Variants in CACNA1B observed in about 807,000 individuals in gnomAD.
CACNA1B encodes calcium voltage-gated channel subunit alpha1 B, also known as voltage-dependent N-type calcium channel subunit alpha-1B.
In CACNA1B, 70 loss-of-function variants were observed where a neutral mutation model predicts 247.2. That is an observed-to-expected ratio of 0.28 (90% CI 0.23 to 0.35). The LOEUF (loss-of-function observed/expected upper bound fraction) is 0.35. Among genes scored for constraint, CACNA1B ranks in the 10% least tolerant of loss-of-function variants. CACNA1B has a pLI of 1.00. For missense variants in CACNA1B, 2,367 were observed against 3,197.4 expected, an observed-to-expected ratio of 0.74 and a Z score of 6.26; for synonymous variants, 1,231 against 1,294.4, an observed-to-expected ratio of 0.95 and a Z score of 1.05.
intron 26 of CACNA1B, among the ~76,000 whole-genome samples, chr9:138,056,108 A>T (rs138504996): frequency 6.6e-6 from 1 of 152,124 alleles, no homozygotes; most frequent in Non-Finnish European, 1.5e-5. Flanking sequence ...ATAACAATCC[A>T]CTTACAGTGT....
At chr9:138,032,837 G>A (rs1959002504) in intron 20 of CACNA1B, 1 of 365,606 alleles carries the variant, frequency 2.7e-6, no homozygotes, top group Admixed American at 4.0e-5. Flanking sequence ...TCAGAAGTTT[G>A]ATTACAGTGT....
intron 36 of CACNA1B, among the ~76,000 whole-genome samples, 190 bp downstream of exon 36, chr9:138,078,448 G>C (rs976486642): frequency 4.6e-5 from 7 of 152,234 alleles, no homozygotes; most frequent in Admixed American, 3.9e-4. Flanking sequence ...ATGGTAACGG[G>C]CTCCTGTGGG....
chr9:137,878,233 G>A lies in CACNA1B; in HGVS notation c.284+16G>A. On this transcript the variant is annotated intron_variant, in intron 1 of 46. Transcript: ENST00000371372. ...CCGAGTGGCCATATCCTGCCGGGCGGGGCCGGGCGGGGCCGGGCGGGGACC... is the reference window on the plus strand; with the variant it reads ...CCGAGTGGCCATATCCTGCCGGGCGAGGCCGGGCGGGGCCGGGCGGGGACC... The A allele has an allele frequency of 6.0e-6, 7 of 1,175,330 alleles. No homozygotes were observed. Among genetic ancestry groups the A allele is most frequent in the Non-Finnish European group, 7.5e-6 (7 of 927,250 alleles). 72.8% of individuals were successfully genotyped at this position (1,175,330 alleles called of 1,614,324 possible).
chr9:137,921,927 G>A (rs11137308), intron 6 of CACNA1B, among the ~76,000 whole-genome samples: 17,958 of 66,574 alleles, frequency 0.27, 563 homozygotes, highest in Middle Eastern at 0.36. Flanking sequence ...GGAGAACATG[G>A]TCAGCACCAC....
rs1290977272 is a variant in CACNA1B, at chr9:138,115,607, C to T, written c.5705C>T (p.Pro1902Leu). The change falls in exon 42 of 47, where the codon CCG (proline) becomes CTG (leucine). Residue 1902 changes from proline to leucine, a missense_variant. Pro to Leu is a moderately conservative substitution (Grantham distance 98). Transcript: ENST00000371372. Reference protein sequence around the residue: ...PLKATLEQTQPAVLRGARVFL... With the variant: ...PLKATLEQTQLAVLRGARVFL... ...AAGGCCACCCTGGAGCAGACACAGC[C>T]GGCTGTGCTCCGAGGAGCCCGGGTT... 5 of 1,613,662 alleles carry T rather than the reference C, an allele frequency of 3.1e-6. No individual in the cohort carries two copies. Among genetic ancestry groups the T allele is most frequent in the Admixed American group, 3.3e-5 (2 of 60,006 alleles).
At chr9:138,095,450 C>T (rs1961023681) in intron 36 of CACNA1B, among the ~76,000 whole-genome samples, 1 of 152,064 alleles carries the variant, frequency 6.6e-6, no homozygotes, top group Non-Finnish European at 1.5e-5. Flanking sequence ...AATAATTTTT[C>T]TAAAAATTGA....
intron 36 of CACNA1B, among the ~76,000 whole-genome samples, chr9:138,094,457 A>AAAAAAAAAAAAAGAAG (rs752912258): frequency 2.2e-5 from 3 of 134,886 alleles, no homozygotes; most frequent in East Asian, 2.6e-4. Flanking sequence ...AAAAAAAAAA[A>AAAAAAAAAAAAAGAAG]AAGAAGAAGA....
intron 12 of CACNA1B, 80 bp downstream of exon 12, chr9:137,976,099 C>T (rs890421464): frequency 3.5e-6 from 3 of 868,540 alleles, no homozygotes; most frequent in Admixed American, 4.1e-5. Flanking sequence ...AGGCCATGCC[C>T]AGTGTGGGCT....
chr9:138,032,202 T>C (rs1958995666), intron 20 of CACNA1B, among the ~76,000 whole-genome samples: 1 of 152,126 alleles, frequency 6.6e-6, no homozygotes, highest in African/African-American at 2.4e-5. Context: ...GTGGTTGCCC[T>C]GTGTATTACA....
chr9:138,017,048 T>G, intron 18 of CACNA1B: 2 of 486,710 alleles, frequency 4.1e-6, no homozygotes, highest in Non-Finnish European at 8.3e-6. Flanking sequence ...AGCCTGCGCC[T>G]ACACTGGCGT....
In CACNA1B at chr9:138,061,559, G is replaced by A. The variant is rs545993470; in HGVS notation, c.4668+1822G>A. Among the ~76,000 whole-genome samples, 6 of 152,304 alleles carry A rather than the reference G, an allele frequency of 3.9e-5. No individual in the cohort carries two copies. In the East Asian group the frequency reaches 5.8e-4, roughly 15 times the overall value. On this transcript the variant is annotated intron_variant, in intron 31 of 46. Coordinates refer to ENST00000371372, the MANE Select transcript of CACNA1B (RefSeq NM_000718.4). ...TCTCTGCCTTTAAGGTCAGGGCAGC[G>A]TCTCCTAAGTGGTGTTGCGTTAGAT...
At chr9:138,049,953 A>G (rs1564259338) in intron 24 of CACNA1B, 2 of 592,084 alleles carry the variant, frequency 3.4e-6, no homozygotes, top group Non-Finnish European at 5.7e-6. Context: ...TCCAGAGACA[A>G]GGAAGACCCC....
At chr9:138,119,643 C>G (rs147856743) in intron 44 of CACNA1B, among the ~76,000 whole-genome samples, 1 of 152,348 alleles carries the variant, frequency 6.6e-6, no homozygotes, top group East Asian at 1.9e-4. Flanking sequence ...TCTCTTGTCT[C>G]TTTCCCCGCC....
At chr9:137,998,047 C>T (rs760989028) in intron 15 of CACNA1B, among the ~76,000 whole-genome samples, 2 of 151,718 alleles carry the variant, frequency 1.3e-5, no homozygotes, top group African/African-American at 2.4e-5. Context: ...ATGTAGTAAA[C>T]GTATAAAAGC....
chr9:137,949,733 A>G (rs568645663), intron 6 of CACNA1B, among the ~76,000 whole-genome samples: 1 of 152,146 alleles, frequency 6.6e-6, no homozygotes, highest in South Asian at 2.1e-4. Context: ...TCCCTTACCC[A>G]GGGGAGGGTT....
chr9:138,101,970 G>C (rs1237587046), intron 37 of CACNA1B, among the ~76,000 whole-genome samples: 1 of 152,168 alleles, frequency 6.6e-6, no homozygotes, highest in Admixed American at 6.5e-5. Context: ...CCCCTTTGCT[G>C]TCAGAGCTGG....
intron 3 of CACNA1B, among the ~76,000 whole-genome samples, chr9:137,894,972 G>A (rs549848328): frequency 3.9e-5 from 6 of 152,092 alleles, no homozygotes; most frequent in African/African-American, 9.7e-5. Flanking sequence ...GATTTTTCCC[G>A]TGATTCTCTT....
chr9:137,982,520 A>G (rs868248670), intron 12 of CACNA1B, among the ~76,000 whole-genome samples: 1 of 152,248 alleles, frequency 6.6e-6, no homozygotes, highest in Non-Finnish European at 1.5e-5. Context: ...TTAAGGGGAT[A>G]GCATTATACA....
intron 31 of CACNA1B, 90 bp from the exon 32 acceptor site, chr9:138,069,668 T>C: frequency 1.1e-6 from 1 of 951,552 alleles, no homozygotes; most frequent in Non-Finnish European, 1.7e-6. Flanking sequence ...AAAACCCATG[T>C]CTCCGTCTGT....
Sources: allele counts gnomAD v4.1 joint callset (sites outside exome capture counted in the v4.1 genomes callset), GRCh38; gene constraint gnomAD v4.1.1; transcripts MANE v1.5; gene names NCBI Gene and HGNC (gene_info 2026-07-23, HGNC 2026-07-21).